The following LRRC1 variants were observed in gnomAD, a reference collection of about 807,000 sequenced individuals.
The protein encoded by LRRC1 is leucine-rich repeat-containing protein 1.
A neutral mutation model predicts 69.9 loss-of-function variants in LRRC1; 28 were observed. The observed-to-expected ratio is 0.40, with a 90% CI of 0.30 to 0.55. LRRC1 has a LOEUF of 0.55. Among genes scored for constraint, LRRC1 ranks in the 20% least tolerant of loss-of-function variants. LRRC1 has a pLI of 0.47. For missense variants in LRRC1, 498 were observed against 609.0 expected, an observed-to-expected ratio of 0.82 and a Z score of 1.92; for synonymous variants, 236 against 240.2, an observed-to-expected ratio of 0.98 and a Z score of 0.16.
intron 1 of LRRC1, among the ~76,000 whole-genome samples, chr6:53,817,393 A>G (rs745920439): frequency 6.6e-6 from 1 of 152,224 alleles, no homozygotes; most frequent in African/African-American, 2.4e-5. Context: ...AAATGATTAA[A>G]TCAAGCTAAT....
intron 4 of LRRC1, among the ~76,000 whole-genome samples, chr6:53,885,744 CTTTA>C (rs1767452349): frequency 6.6e-6 from 1 of 152,130 alleles, no homozygotes; most frequent in African/African-American, 2.4e-5. Context: ...GGGTAAAAGC[CTTTA>C]TATAGAGTGA....
In LRRC1 at chr6:53,891,478, C is replaced by T. The variant is rs111925444; in HGVS notation, c.447-5020C>T. ...AAAAAAATCTGGTAAGTGAGGAAAG[C>T]AAAGTGCCAGATATATATGTATAGA... On this transcript the variant is annotated intron_variant, in intron 4 of 13. Coordinates refer to ENST00000370888, the MANE Select transcript of LRRC1 (RefSeq NM_018214.5). Among the ~76,000 whole-genome samples the T allele has an allele frequency of 1.9e-3, 283 of 147,718 alleles. 2 individuals carry two copies. Among genetic ancestry groups the T allele is most frequent in the Non-Finnish European group, 2.9e-3 (197 of 67,078 alleles).
chr6:53,885,415 A>T (rs1034587659), intron 4 of LRRC1, among the ~76,000 whole-genome samples: 2 of 152,192 alleles, frequency 1.3e-5, no homozygotes, highest in African/African-American at 4.8e-5. Context: ...CTTCTTGGAG[A>T]TGGAATTGTT....
chr6:53,897,875 T>C (rs764099602), intron 7 of LRRC1, among the ~76,000 whole-genome samples: 1 of 152,226 alleles, frequency 6.6e-6, no homozygotes, highest in African/African-American at 2.4e-5. Flanking sequence ...GGAAGAACCA[T>C]GTCCCAAATG....
intron 1 of LRRC1, among the ~76,000 whole-genome samples, chr6:53,810,950 T>A (rs1174386510): frequency 6.6e-6 from 1 of 152,190 alleles, no homozygotes; most frequent in Non-Finnish European, 1.5e-5. Context: ...CTAATGAGAT[T>A]CATCAGGACA....
intron 2 of LRRC1, among the ~76,000 whole-genome samples, chr6:53,850,927 T>C (rs898295478): frequency 6.6e-6 from 1 of 152,190 alleles, no homozygotes; most frequent in African/African-American, 2.4e-5. Context: ...TTTTACGAAC[T>C]ATGCCAACAA....
chr6:53,892,331 A>G (rs1562062707), intron 4 of LRRC1, among the ~76,000 whole-genome samples: 1 of 152,170 alleles, frequency 6.6e-6, no homozygotes, highest in Non-Finnish European at 1.5e-5. Context: ...GAACTATTAA[A>G]GTGTTTAATT....
chr6:53,920,916 A>G (rs1289833694), intron 13 of LRRC1, 155 bp downstream of exon 13: 1 of 763,962 alleles, frequency 1.3e-6, no homozygotes, highest in African/African-American at 1.8e-5. Context: ...AGGTAATTCT[A>G]GGTACTCACT....
intron 1 of LRRC1, among the ~76,000 whole-genome samples, chr6:53,820,732 A>G (rs1363185509): frequency 3.3e-5 from 5 of 152,170 alleles, no homozygotes; most frequent in Non-Finnish European, 5.9e-5. Flanking sequence ...TAATATATGT[A>G]ATAAGATATA....
intron 3 of LRRC1, among the ~76,000 whole-genome samples, chr6:53,880,564 C>G (rs1767256002): frequency 6.6e-6 from 1 of 152,158 alleles, no homozygotes; most frequent in African/African-American, 2.4e-5. Flanking sequence ...CATTTCATGC[C>G]TCTGTCTTCT....
chr6:53,887,286 CAA>C (rs1361487641), intron 4 of LRRC1, among the ~76,000 whole-genome samples: 2 of 152,190 alleles, frequency 1.3e-5, no homozygotes, highest in African/African-American at 4.8e-5. Context: ...ATTAGGGAGA[CAA>C]TAAATTTATT....
intron 5 of LRRC1, 58 bp from the exon 6 acceptor site, chr6:53,896,769 CTA>C (rs1331833648): frequency 5.4e-6 from 6 of 1,112,910 alleles, no homozygotes; most frequent in Non-Finnish European, 8.2e-6. Flanking sequence ...GTGAGGGATA[CTA>C]TATTGCTCAG....
At chr6:53,910,708 CATT>C (rs1361828616) in intron 10 of LRRC1, among the ~76,000 whole-genome samples, 1 of 152,214 alleles carries the variant, frequency 6.6e-6, no homozygotes, top group Non-Finnish European at 1.5e-5. Context: ...TTAAGTTAAT[CATT>C]ATTGTTACTT....
intron 4 of LRRC1, among the ~76,000 whole-genome samples, chr6:53,891,412 T>A (rs1266859620): frequency 1.3e-5 from 2 of 151,682 alleles, no homozygotes; most frequent in Non-Finnish European, 2.9e-5. Context: ...ACTGTGCAAT[T>A]GTTGAAAAAA....
intron 1 of LRRC1, among the ~76,000 whole-genome samples, chr6:53,824,431 G>T (rs1581855150): frequency 1.3e-5 from 2 of 151,954 alleles, no homozygotes; most frequent in East Asian, 1.9e-4. Context: ...TCTTCATTCT[G>T]CAGGTTCTCT....
chr6:53,839,557 C>T (rs1227727623), intron 1 of LRRC1, among the ~76,000 whole-genome samples: 3 of 152,104 alleles, frequency 2.0e-5, no homozygotes, highest in African/African-American at 4.8e-5. Context: ...ACTATTTCTG[C>T]GAATATTTGC....
chr6:53,813,042 A>AT (rs2127406236), intron 1 of LRRC1, among the ~76,000 whole-genome samples: 2 of 151,914 alleles, frequency 1.3e-5, no homozygotes, highest in South Asian at 4.2e-4. Context: ...AGAGGGTGGG[A>AT]TGGGGCCACT....
At chr6:53,896,221 T>C (rs1041854801) in intron 4 of LRRC1, among the ~76,000 whole-genome samples, 2 of 152,218 alleles carry the variant, frequency 1.3e-5, no homozygotes, top group Admixed American at 6.5e-5. Flanking sequence ...TTTCCACATA[T>C]CACATGTACA....
Position 53,897,287 on chromosome 6 carries a change from A to G in LRRC1, c.570A>G (p.Pro190=), listed in dbSNP as rs1256514632. 6 of 1,607,164 alleles carry G rather than the reference A, an allele frequency of 3.7e-6. No homozygotes were observed. The highest frequency in any genetic ancestry group is 2.2e-5 in the South Asian group (2 of 90,520). Residue 190 remains proline (P), a splice_region_variant and synonymous_variant, in exon 7 of 14, where the codon CCA becomes CCG. Transcript: ENST00000370888. Reference sequence around the variant, plus strand: ...AACTTTTTTTTCTTTTGTTTTAGCCAGAATCAATTGGAGCCCTCTTACATC... The same window carrying G: ...AACTTTTTTTTCTTTTGTTTTAGCCGGAATCAATTGGAGCCCTCTTACATC... ...DLGNNEIYNL[P]ESIGALLHLK...
Sources: allele counts gnomAD v4.1 joint callset (sites outside exome capture counted in the v4.1 genomes callset), GRCh38; gene constraint gnomAD v4.1.1; transcripts MANE v1.5; gene names NCBI Gene and HGNC (gene_info 2026-07-23, HGNC 2026-07-21).